MET: variants seen among roughly 807,000 people sequenced by gnomAD.
MET encodes MET proto-oncogene, receptor tyrosine kinase, also known as hepatocyte growth factor receptor.
In MET, 48 loss-of-function variants were observed where a neutral mutation model predicts 133.1. That is an observed-to-expected ratio of 0.36 (90% confidence interval 0.29 to 0.46). MET has a LOEUF of 0.46. Among genes scored for constraint, MET ranks in the 20% least tolerant of loss-of-function variants. The pLI, the probability that MET is intolerant of heterozygous loss-of-function variation, is 1.00. For synonymous variants in MET, 628 were observed against 616.5 expected (o/e 1.02, Z -0.28); for missense variants, 1,442 against 1,695.9 (o/e 0.85, Z 2.63).
intron 1 of MET, among the ~76,000 whole-genome samples, chr7:116,689,299 A>G (rs1242927603): frequency 6.6e-6 from 1 of 152,192 alleles, no homozygotes; most frequent in Non-Finnish European, 1.5e-5. Flanking sequence ...ATACATATAT[A>G]CCACAGAAAG....
At chr7:116,759,223 C>A in intron 9 of MET, 168 bp from the exon 10 acceptor site, 1 of 926,582 alleles carries the variant, frequency 1.1e-6, no homozygotes, top group Non-Finnish European at 1.6e-6. Flanking sequence ...AAAATATTTT[C>A]AAGTTAAATA....
intron 1 of MET, among the ~76,000 whole-genome samples, chr7:116,673,096 C>A (rs1017820376): frequency 2.6e-5 from 4 of 152,154 alleles, no homozygotes; most frequent in African/African-American, 9.7e-5. Context: ...TTATCTCTTT[C>A]TGGGGCTTGT....
intron 5 of MET, among the ~76,000 whole-genome samples, chr7:116,750,478 C>A (rs1050438286): frequency 2.0e-5 from 3 of 152,170 alleles, no homozygotes; most frequent in Admixed American, 6.6e-5. Context: ...ACCATAAAAA[C>A]CCTAGAAGAA....
At chr7:116,743,494 C>T (rs1177078744) in intron 5 of MET, among the ~76,000 whole-genome samples, 2 of 152,220 alleles carry the variant, frequency 1.3e-5, no homozygotes, top group Non-Finnish European at 2.9e-5. Context: ...ATTCTCACTG[C>T]CAGCACAGCA....
Position 116,700,002 on chromosome 7 carries a change from G to A in MET, c.918G>A (p.Lys306=), listed in dbSNP as rs2116600959. ...GTATTCTCACAGAAAAGAGAAAAAA[G>A]AGATCCACAAAGAAGGAAGTGTTTA... ...LECILTEKRK[K]RSTKKEVFNI... is the part of the protein sequence containing the mutation. The change falls in exon 2 of 21, where the codon AAG becomes AAA. Residue 306 remains lysine, a synonymous_variant. Coordinates refer to ENST00000397752, the MANE Select transcript of MET (RefSeq NM_000245.4). The A allele has an allele frequency of 6.2e-7, 1 of 1,614,054 alleles. No individual in the cohort carries two copies. The highest frequency in any genetic ancestry group is 8.5e-7 in the Non-Finnish European group (1 of 1,179,986).
At chr7:116,741,067 G>GTTTTTTTTTTTTTTTTTTTTTTGGTT in intron 5 of MET, 42 bp downstream of exon 5, 1 of 1,348,788 alleles carries the variant, frequency 7.4e-7, no homozygotes, top group South Asian at 1.3e-5. Flanking sequence ...TTTGTTTGGT[G>GTTTTTTTTTTTTTTTTTTTTTTGGTT]TTTTTTTTTT....
At chr7:116,734,885 G>A (rs868419564) in intron 3 of MET, among the ~76,000 whole-genome samples, 20 of 152,184 alleles carry the variant, frequency 1.3e-4, no homozygotes, top group Non-Finnish European at 2.8e-4. Context: ...GATTGTCCAC[G>A]TCTCCCTTCT....
At chr7:116,695,055 G>A (rs6954316) in intron 1 of MET, among the ~76,000 whole-genome samples, 8,230 of 152,036 alleles carry the variant, frequency 0.054, 745 homozygotes, top group African/African-American at 0.19. Flanking sequence ...ATGCAAATTG[G>A]TTACAATATT....
intron 2 of MET, among the ~76,000 whole-genome samples, chr7:116,704,254 C>T (rs925444992): frequency 6.6e-6 from 1 of 152,020 alleles, no homozygotes; most frequent in African/African-American, 2.4e-5. Context: ...ATAAATTTAG[C>T]CCGTTGGGAG....
chr7:116,759,678 G>GA (rs1794320954), intron 10 of MET, 188 bp downstream of exon 10: 2 of 682,200 alleles, frequency 2.9e-6, no homozygotes, highest in African/African-American at 3.6e-5. Flanking sequence ...TAACCATGTG[G>GA]AAAAAATACA....
At chr7:116,757,823 T>C (rs1273052250) in intron 8 of MET, 49 bp downstream of exon 8, 3 of 1,581,106 alleles carry the variant, frequency 1.9e-6, no homozygotes, top group South Asian at 2.2e-5. Flanking sequence ...AATTAATATC[T>C]GTACCTTAAA....
At chr7:116,765,442 G>T (rs1794589235) in intron 11 of MET, among the ~76,000 whole-genome samples, 1 of 152,084 alleles carries the variant, frequency 6.6e-6, no homozygotes, top group South Asian at 2.1e-4. Flanking sequence ...AAAAGAGATT[G>T]TGATCATTCC....
At chr7:116,748,264 C>T (rs1255299009) in intron 5 of MET, among the ~76,000 whole-genome samples, 1 of 152,026 alleles carries the variant, frequency 6.6e-6, no homozygotes, top group Non-Finnish European at 1.5e-5. Context: ...ACAACAACAA[C>T]AAAAAAGAAG....
chr7:116,685,391 T>C (rs531024690), intron 1 of MET, among the ~76,000 whole-genome samples: 7 of 152,286 alleles, frequency 4.6e-5, no homozygotes, highest in African/African-American at 1.7e-4. Context: ...AAAAAATGTA[T>C]GTCAGGCTGA....
At chr7:116,740,199 T>C in intron 4 of MET, 115 bp downstream of exon 4, 4 of 1,167,410 alleles carry the variant, frequency 3.4e-6, no homozygotes, top group Non-Finnish European at 5.1e-6. Context: ...TTACCCCTCC[T>C]CCATTAAGTT....
rs1795723263 is a variant in MET, at chr7:116,797,869, C to G, written c.*1745C>G. On this transcript the variant is annotated 3_prime_UTR_variant, in exon 21 of 21. Coordinates refer to ENST00000397752, the MANE Select transcript of MET (RefSeq NM_000245.4). ...ACAAAGAGGGTGTGTCACACTGAAA[C>G]TCAATAGTTGAGTTTGGCTGTTGTT... 4.4e-6 allele frequency: 1 copy of G among 225,026 alleles called. No individual in the cohort carries two copies. 13.9% of individuals were successfully genotyped at this position (225,026 alleles called of 1,614,324 possible). A position where few individuals can be genotyped will look rare whatever the true frequency, so the allele number is the denominator to read the frequency against.
At chr7:116,773,955 C>G (rs1354895139) in intron 14 of MET, among the ~76,000 whole-genome samples, 1 of 152,112 alleles carries the variant, frequency 6.6e-6, no homozygotes, top group Non-Finnish European at 1.5e-5. Context: ...TGAGGAACCC[C>G]CACATAACCT....
intron 2 of MET, among the ~76,000 whole-genome samples, chr7:116,716,284 G>GGA (rs564115135): frequency 0.069 from 2,602 of 37,950 alleles, 142 homozygotes; most frequent in East Asian, 0.12. Context: ...AGGGAGAGAG[G>GGA]GAGAGAGAGA....
At chr7:116,706,665 A>G (rs1404589968) in intron 2 of MET, among the ~76,000 whole-genome samples, 2 of 152,116 alleles carry the variant, frequency 1.3e-5, no homozygotes, top group African/African-American at 4.8e-5. Context: ...GGGACCCATC[A>G]GAATTTGGAT....
Sources: allele counts gnomAD v4.1 joint callset (sites outside exome capture counted in the v4.1 genomes callset), GRCh38; gene constraint gnomAD v4.1.1; transcripts MANE v1.5; gene names NCBI Gene and HGNC (gene_info 2026-07-23, HGNC 2026-07-21).